Variants in COLEC11 observed in about 807,000 individuals in gnomAD.
COLEC11 encodes collectin-11.
Under a neutral mutation model 27.3 loss-of-function variants are expected in COLEC11, and 20 were observed. The ratio of observed to expected loss-of-function variants is 0.73; its 90% CI spans 0.51 to 1.06. COLEC11 has a LOEUF of 1.06. Ranked by LOEUF, COLEC11 falls within the 50% of genes least tolerant of loss-of-function variation. The pLI is 0.00. For synonymous variants in COLEC11, 163 were observed against 154.7 expected (o/e 1.05, Z -0.40); for missense variants, 310 against 383.0 (o/e 0.81, Z 1.59).
At chr2:3,615,656 A>T (rs924670502) in intron 3 of COLEC11, among the ~76,000 whole-genome samples, 1 of 152,104 alleles carries the variant, frequency 6.6e-6, no homozygotes, top group African/African-American at 2.4e-5. Context: ...TGTGGGGTAC[A>T]CCTCCCAGAC....
At position 3,602,900 on chromosome 2, in the gene COLEC11, G is replaced by A. The variant is rs988693421; in HGVS notation, c.-26-1415G>A. On this transcript the variant is annotated intron_variant, in intron 1 of 6. Coordinates refer to ENST00000349077, the MANE Select transcript of COLEC11 (RefSeq NM_024027.5). This position sits in a 1 kb window ranked among gnomAD's most constrained non-coding sequence, Gnocchi z 6.2. The stretch of plus-strand genomic sequence containing the variant: ...TGGACTCTGCCTCACTCTTCCCCAC[G>A]GCGCTTACCCCTGCCTCTGTCTGTC... Among the ~76,000 whole-genome samples, 7 of 152,150 alleles carry A rather than the reference G, an allele frequency of 4.6e-5. No individual in the cohort carries two copies. Among genetic ancestry groups the A allele is most frequent in the African/African-American group, 1.2e-4 (5 of 41,432 alleles).
intron 3 of COLEC11, among the ~76,000 whole-genome samples, chr2:3,631,128 G>T (rs1664965196): frequency 6.6e-6 from 1 of 152,010 alleles, no homozygotes; most frequent in South Asian, 2.1e-4. Context: ...CTACTCAGGA[G>T]ACTGAGGCAG....
chr2:3,619,740 C>G lies in COLEC11; in HGVS notation c.202+6358C>G, dbSNP rs369647878. On this transcript the variant is annotated intron_variant, in intron 3 of 6. Transcript: ENST00000349077. ...TCCTGAGTTCAACCGATTCTCCTGC[C>G]TCAGCCGCCCAAGTAGCTGGGATTA... 9.9e-5 allele frequency among the ~76,000 whole-genome samples: 15 copies of G among 152,280 alleles called. No individual in the cohort carries two copies. In the East Asian group the frequency reaches 2.7e-3, roughly 27 times the overall value.
At chr2:3,597,715 A>G (rs1198331054) in intron 1 of COLEC11, among the ~76,000 whole-genome samples, 9 of 151,926 alleles carry the variant, frequency 5.9e-5, no homozygotes, top group Admixed American at 5.9e-4. Context: ...TCCAGCAAAC[A>G]CTGAGAAGTG....
At chr2:3,642,689 G>T (rs965837484) in intron 5 of COLEC11, among the ~76,000 whole-genome samples, 1 of 152,336 alleles carries the variant, frequency 6.6e-6, no homozygotes, top group East Asian at 1.9e-4. Flanking sequence ...GCATCATCCA[G>T]CTGGGACAGC....
chr2:3,619,424 A>C (rs1664020796), intron 3 of COLEC11, among the ~76,000 whole-genome samples: 1 of 152,084 alleles, frequency 6.6e-6, no homozygotes, highest in South Asian at 2.1e-4. Flanking sequence ...CATGGCCTTT[A>C]TTGTGTTGAG....
At chr2:3,616,915 A>C (rs776693977) in intron 3 of COLEC11, among the ~76,000 whole-genome samples, 5 of 152,190 alleles carry the variant, frequency 3.3e-5, no homozygotes, top group African/African-American at 4.8e-5. Flanking sequence ...CTTATATTTC[A>C]AGACTGAATA....
chr2:3,639,812 G>T (rs1031862353), intron 4 of COLEC11, among the ~76,000 whole-genome samples: 1 of 152,214 alleles, frequency 6.6e-6, no homozygotes, highest in Non-Finnish European at 1.5e-5. Context: ...CTACGAGCAG[G>T]GATGGGAAGG....
intron 2 of COLEC11, chr2:3,606,176 G>A: frequency 6.4e-7 from 1 of 1,550,528 alleles, no homozygotes; most frequent in Non-Finnish European, 8.7e-7. Context: ...GGCTGTGGAG[G>A]TCACGTCCCT....
chr2:3,620,236 A>T (rs897288189), intron 3 of COLEC11, among the ~76,000 whole-genome samples: 2 of 151,946 alleles, frequency 1.3e-5, no homozygotes, highest in Non-Finnish European at 2.9e-5. Context: ...AATCAGTCTC[A>T]TTACAGATCT....
intron 2 of COLEC11, 98 bp from the exon 3 acceptor site, chr2:3,613,213 C>G (rs1663366400): frequency 7.5e-7 from 1 of 1,341,976 alleles, no homozygotes; most frequent in African/African-American, 1.5e-5. Flanking sequence ...CCTGCAGGGA[C>G]CCGGGGAGAA....
chr2:3,605,817 C>G lies in COLEC11; in HGVS notation c.130+1347C>G, dbSNP rs546798436. On this transcript the variant is annotated intron_variant, in intron 2 of 6. Coordinates refer to ENST00000349077, the MANE Select transcript of COLEC11 (RefSeq NM_024027.5). ...GTTGTACAAAATGAAAAGGTCAGCC[C>G]TCTCCCGGGGCACAGGGTCCGGACA... 17 of 361,580 alleles carry G rather than the reference C, an allele frequency of 4.7e-5. No individual in the cohort carries two copies. The Admixed American group carries it at 6.5e-4, about 14-fold the overall frequency. 22.4% of individuals were successfully genotyped at this position (361,580 alleles called of 1,614,324 possible).
intron 1 of COLEC11, among the ~76,000 whole-genome samples, chr2:3,600,189 C>T (rs903542959): frequency 6.8e-6 from 1 of 147,044 alleles, no homozygotes; most frequent in African/African-American, 2.5e-5. Flanking sequence ...GAGCTGAGAT[C>T]GAGCCACTGC....
At chr2:3,615,878 C>T (rs556650714) in intron 3 of COLEC11, among the ~76,000 whole-genome samples, 62 of 41,106 alleles carry the variant, frequency 1.5e-3, no homozygotes, top group African/African-American at 2.4e-3. Flanking sequence ...CTCCCGGACG[C>T]GGCGGCTGGC....
chr2:3,604,605 C>T, intron 2 of COLEC11, 135 bp downstream of exon 2: 1 of 976,744 alleles, frequency 1.0e-6, no homozygotes, highest in Non-Finnish European at 1.6e-6. Flanking sequence ...TCTCAGTTTC[C>T]CCATCTGGAA....
At chr2:3,642,001 G>A (rs1665903685) in intron 5 of COLEC11, among the ~76,000 whole-genome samples, 1 of 152,254 alleles carries the variant, frequency 6.6e-6, no homozygotes, top group South Asian at 2.1e-4. Flanking sequence ...ATGACCAGGT[G>A]TCACTCTTCA....
At chr2:3,638,041 G>T (rs781081838) in intron 4 of COLEC11, among the ~76,000 whole-genome samples, 8 of 152,212 alleles carry the variant, frequency 5.3e-5, no homozygotes, top group African/African-American at 1.9e-4. Flanking sequence ...GTGAGAACAG[G>T]GTGTGGGATG....
Position 3,644,286 on chromosome 2 carries a change from G to A in COLEC11, c.*168G>A, listed in dbSNP as rs1558525086. On this transcript the variant is annotated 3_prime_UTR_variant, in exon 7 of 7. Transcript: ENST00000349077. ...TGAGAAAATGGCCTATGCTTAAGAG[G>A]AAAATGAAAGTGTTCCTGGGGTGCT... The A allele has an allele frequency of 1.2e-6, 1 of 833,700 alleles. No homozygotes were observed. The highest frequency in any genetic ancestry group is 2.0e-6 in the Non-Finnish European group (1 of 506,788). 51.6% of individuals were successfully genotyped at this position (833,700 alleles called of 1,614,324 possible).
At chr2:3,621,974 C>T (rs570617950) in intron 3 of COLEC11, among the ~76,000 whole-genome samples, 1 of 152,010 alleles carries the variant, frequency 6.6e-6, no homozygotes, top group South Asian at 2.1e-4. Context: ...GTCAGGAGTT[C>T]AAGACCAGCC....
Sources: gnomAD v4.1 joint callset for allele counts (sites outside exome capture counted in the v4.1 genomes callset) on GRCh38, gnomAD v4.1.1 for gene constraint, Gnocchi (gnomAD v3.1) non-coding constraint, MANE v1.5 for transcripts, NCBI Gene and HGNC (gene_info 2026-07-23, HGNC 2026-07-21) for gene names.